Variants in KCNH8 observed in about 807,000 individuals in gnomAD.
KCNH8 encodes the protein potassium voltage-gated channel subfamily H member 8.
Under a neutral mutation model 103.6 loss-of-function variants are expected in KCNH8, and 70 were observed. The observed-to-expected ratio is 0.68, with a 90% CI of 0.56 to 0.82. KCNH8 has a LOEUF of 0.82. Among genes scored for constraint, KCNH8 ranks in the 40% least tolerant of loss-of-function variants. The pLI, the probability that KCNH8 is intolerant of heterozygous loss-of-function variation, is 0.00. For missense variants in KCNH8, 1,217 were observed against 1,329.9 expected, an observed-to-expected ratio of 0.92 and a Z score of 1.32; for synonymous variants, 498 against 489.4, an observed-to-expected ratio of 1.02 and a Z score of -0.23.
intron 1 of KCNH8, among the ~76,000 whole-genome samples, chr3:19,228,145 ACCT>A (rs2063953293): frequency 2.6e-5 from 4 of 152,212 alleles, no homozygotes; most frequent in African/African-American, 9.6e-5. Context: ...TACCTGTCTC[ACCT>A]CCTGTTTTTT....
chr3:19,422,302 A>G, intron 7 of KCNH8, among the ~76,000 whole-genome samples: 1 of 152,108 alleles, frequency 6.6e-6, no homozygotes, highest in South Asian at 2.1e-4. Flanking sequence ...TATAATGAAA[A>G]TTGTCAACTA....
chr3:19,469,363 T>C (rs1404578145), intron 11 of KCNH8, among the ~76,000 whole-genome samples: 3 of 152,180 alleles, frequency 2.0e-5, no homozygotes, highest in Non-Finnish European at 2.9e-5. Context: ...AAATGTTAGA[T>C]AGGAAAAGCT....
chr3:19,267,273 C>A (rs2064525380), intron 2 of KCNH8, among the ~76,000 whole-genome samples: 1 of 152,070 alleles, frequency 6.6e-6, no homozygotes, highest in Non-Finnish European at 1.5e-5. Context: ...AACTTGCACA[C>A]AACTCAGAAA....
chr3:19,349,377 C>T (rs2065769734), intron 5 of KCNH8, among the ~76,000 whole-genome samples: 1 of 151,992 alleles, frequency 6.6e-6, no homozygotes, highest in Admixed American at 6.6e-5. Flanking sequence ...CCATGATGCA[C>T]ACATAAATTA....
intron 11 of KCNH8, among the ~76,000 whole-genome samples, chr3:19,509,704 TTTC>T (rs2125240205): frequency 6.6e-6 from 1 of 152,314 alleles, no homozygotes; most frequent in Non-Finnish European, 1.5e-5. Context: ...GGCAGCAGTT[TTTC>T]TTCTTTTTTT....
Position 19,259,283 on chromosome 3 carries a change from CAGGATTACTAA to C in KCNH8, c.310+5397_310+5407del, listed in dbSNP as rs1272582771. ...TAAGCCACTACCATGAATACAAAAC[CAGGATTACTAA>C]CTTCAAATAGAAGGCAAACATAAAT... On this transcript the variant is annotated intron_variant, in intron 2 of 15. Coordinates refer to ENST00000328405, the MANE Select transcript of KCNH8 (RefSeq NM_144633.3). 6.7e-3 allele frequency among the ~76,000 whole-genome samples: 1,010 copies of C among 151,264 alleles called. 10 individuals are homozygous for C. Among genetic ancestry groups the C allele is most frequent in the African/African-American group, 0.022 (909 of 41,302 alleles).
chr3:19,207,699 C>T (rs2063731152), intron 1 of KCNH8, among the ~76,000 whole-genome samples: 1 of 151,858 alleles, frequency 6.6e-6, no homozygotes, highest in African/African-American at 2.4e-5. Context: ...AAGTAGATAG[C>T]TGAATTAAGC....
At chr3:19,182,840 T>C (rs1172746331) in intron 1 of KCNH8, among the ~76,000 whole-genome samples, 2 of 152,160 alleles carry the variant, frequency 1.3e-5, no homozygotes, top group African/African-American at 2.4e-5. Flanking sequence ...ACACAACTAT[T>C]TTTTTCGTGA....
At chr3:19,493,929 G>A (rs950108983) in intron 11 of KCNH8, among the ~76,000 whole-genome samples, 7 of 152,060 alleles carry the variant, frequency 4.6e-5, no homozygotes, top group Admixed American at 2.6e-4. Flanking sequence ...CACAGTTTTG[G>A]TATGTAGATT....
Position 19,347,733 on chromosome 3 carries a change from T to A in KCNH8, c.579T>A (p.Phe193Leu), listed in dbSNP as rs370624689. ...TTTGTCTTCATCCACAGAATGTTTTTGTAGATAAACCAGCATTTCCGGAGT... is the reference window on the plus strand; with the variant it reads ...TTTGTCTTCATCCACAGAATGTTTTAGTAGATAAACCAGCATTTCCGGAGT... ...KNKLKINNNV[F>L]VDKPAFPEYK... Residue 193 changes from phenylalanine (F) to leucine (L), a missense_variant, in exon 5 of 16, where the codon TTT (phenylalanine) becomes TTA (leucine). By Grantham distance (22) the Phe-to-Leu change is conservative (BLOSUM62 0). Around this residue, in one of 3 missense-constraint regions of KCNH8, gnomAD observed 244 missense variants for 256.8 expected, o/e 0.95. Coordinates refer to ENST00000328405, the MANE Select transcript of KCNH8 (RefSeq NM_144633.3). 183 of 1,612,792 alleles carry A rather than the reference T, an allele frequency of 1.1e-4. 1 individual carries two copies. The highest frequency in any genetic ancestry group is 3.3e-4 in the Middle Eastern group (2 of 6,050).
intron 8 of KCNH8, among the ~76,000 whole-genome samples, chr3:19,443,419 T>C (rs2067311389): frequency 6.6e-6 from 1 of 150,594 alleles, no homozygotes; most frequent in Non-Finnish European, 1.5e-5. Flanking sequence ...CACATATATA[T>C]ACACATATGT....
At chr3:19,489,658 G>A (rs2068278885) in intron 11 of KCNH8, among the ~76,000 whole-genome samples, 2 of 152,062 alleles carry the variant, frequency 1.3e-5, no homozygotes, top group South Asian at 4.2e-4. Context: ...AGTTCCTAGT[G>A]GGATGGGCTC....
chr3:19,240,677 G>A (rs2064128588), intron 1 of KCNH8, among the ~76,000 whole-genome samples: 2 of 151,112 alleles, frequency 1.3e-5, no homozygotes, highest in African/African-American at 4.9e-5. Context: ...ATCTCCTCTT[G>A]GATGCTTAAT....
At chr3:19,389,692 A>G (rs1006256557) in intron 5 of KCNH8, among the ~76,000 whole-genome samples, 2 of 152,070 alleles carry the variant, frequency 1.3e-5, no homozygotes, top group African/African-American at 4.8e-5. Flanking sequence ...GCATGGTGCA[A>G]TCATGGCTCA....
intron 2 of KCNH8, among the ~76,000 whole-genome samples, chr3:19,279,848 T>G (rs935427213): frequency 6.6e-6 from 1 of 152,120 alleles, no homozygotes; most frequent in African/African-American, 2.4e-5. Flanking sequence ...TTGGAAATTA[T>G]GAGGTCTAAT....
In KCNH8 at chr3:19,515,326, G is replaced by A. The variant is rs371180966; in HGVS notation, c.2440G>A (p.Val814Ile). Residue 814 changes from valine (V) to isoleucine (I), a missense_variant, in exon 14 of 16, where the codon GTT becomes ATT. By Grantham distance (29) the Val-to-Ile change is conservative. Around this residue, in one of 3 missense-constraint regions of KCNH8, gnomAD observed 558 missense variants for 495.8 expected, o/e 1.13. Coordinates refer to ENST00000328405, the MANE Select transcript of KCNH8 (RefSeq NM_144633.3). Reference protein sequence around the residue: ...AGPPDLSPRIVDGIEDGNSSE... With the variant: ...AGPPDLSPRIIDGIEDGNSSE... ...AATTTCCTTTATTTTAAGTAGGATT[G>A]TTGATGGAATTGAAGATGGAAACAG... is the stretch of plus-strand genomic sequence containing the variant. 5 of 1,580,534 alleles carry A rather than the reference G, an allele frequency of 3.2e-6. No individual in the cohort carries two copies. In the African/African-American group the frequency reaches 6.8e-5, roughly 22 times the overall value.
chr3:19,160,732 C>T (rs764220574), intron 1 of KCNH8, among the ~76,000 whole-genome samples: 14 of 152,048 alleles, frequency 9.2e-5, no homozygotes, highest in Non-Finnish European at 2.1e-4. Flanking sequence ...TGATATCTCA[C>T]GCTATCCCAC....
chr3:19,297,972 G>A (rs1390519528), intron 3 of KCNH8, among the ~76,000 whole-genome samples: 1 of 152,188 alleles, frequency 6.6e-6, no homozygotes, highest in African/African-American at 2.4e-5. Flanking sequence ...AAAGTGTGGC[G>A]TGTCTTTTGC....
chr3:19,336,977 G>A (rs1328138721), intron 3 of KCNH8, among the ~76,000 whole-genome samples: 1 of 151,936 alleles, frequency 6.6e-6, no homozygotes, highest in Non-Finnish European at 1.5e-5. Flanking sequence ...AATAATAGAA[G>A]ACCCTTTCTA....
Sources: gnomAD v4.1 joint callset for allele counts (sites outside exome capture counted in the v4.1 genomes callset) on GRCh38, gnomAD v4.1.1 for gene constraint, gnomAD v4.1.1 regional missense constraint, MANE v1.5 for transcripts, NCBI Gene and HGNC (gene_info 2026-07-23, HGNC 2026-07-21) for gene names.